CCDC102B: variants seen among roughly 807,000 people sequenced by gnomAD.
CCDC102B encodes the protein coiled-coil domain-containing protein 102B.
A neutral mutation model predicts 57.4 loss-of-function variants in CCDC102B; 75 were observed. That is an observed-to-expected ratio of 1.31 (90% CI 1.08 to 1.58). The LOEUF is 1.58. Among genes scored for constraint, CCDC102B ranks in the 40% most tolerant of loss-of-function variants. CCDC102B has a pLI of 0.00. For synonymous variants in CCDC102B, 206 were observed against 201.9 expected (o/e 1.02, Z -0.17); for missense variants, 636 against 582.6 (o/e 1.09, Z -0.94).
At chr18:68,967,146 C>G (rs138259247) in intron 6 of CCDC102B, among the ~76,000 whole-genome samples, 1 of 144,878 alleles carries the variant, frequency 6.9e-6, no homozygotes, top group African/African-American at 2.6e-5. Context: ...GAAAGCTAGT[C>G]GTGCCTCTTT....
chr18:69,030,598 T>C (rs768463968), intron 7 of CCDC102B, among the ~76,000 whole-genome samples: 34 of 152,202 alleles, frequency 2.2e-4, no homozygotes, highest in Non-Finnish European at 4.6e-4. Flanking sequence ...TCAATAATTA[T>C]GTTTATAGGT....
chr18:69,030,815 C>T (rs1191233405), intron 7 of CCDC102B, among the ~76,000 whole-genome samples: 4 of 152,126 alleles, frequency 2.6e-5, no homozygotes, highest in South Asian at 2.1e-4. Context: ...CCACCACGCC[C>T]GGATCATTTT....
chr18:68,967,499 A>C (rs12457057), intron 6 of CCDC102B, among the ~76,000 whole-genome samples: 20,592 of 152,176 alleles, frequency 0.14, 1,469 homozygotes, highest in African/African-American at 0.17. Context: ...TGAACGAAGA[A>C]ACAAGTTGAA....
chr18:68,952,439 G>A (rs573890723), intron 6 of CCDC102B, among the ~76,000 whole-genome samples: 5 of 151,976 alleles, frequency 3.3e-5, no homozygotes, highest in Admixed American at 3.3e-4. Context: ...ATAAGAAATT[G>A]GCAAGAATGA....
At chr18:69,016,807 C>T (rs943494347) in intron 7 of CCDC102B, among the ~76,000 whole-genome samples, 1 of 152,012 alleles carries the variant, frequency 6.6e-6, no homozygotes, top group Non-Finnish European at 1.5e-5. Flanking sequence ...TATGTACATA[C>T]CTTATTTTCT....
intron 7 of CCDC102B, among the ~76,000 whole-genome samples, chr18:69,033,887 T>A (rs2052214710): frequency 6.6e-6 from 1 of 152,076 alleles, no homozygotes; most frequent in Non-Finnish European, 1.5e-5. Flanking sequence ...ACTCTGGCCA[T>A]CCTCCTTTGG....
chr18:68,868,672 C>T lies in CCDC102B; in HGVS notation c.937-5997C>T, dbSNP rs73967733. 8.7e-4 allele frequency among the ~76,000 whole-genome samples: 132 copies of T among 152,184 alleles called. 3 individuals carry two copies. The highest frequency in any genetic ancestry group is 2.8e-3 in the African/African-American group (118 of 41,498). On this transcript the variant is annotated intron_variant, in intron 4 of 7. Coordinates refer to ENST00000360242, the MANE Select transcript of CCDC102B (RefSeq NM_024781.3). ...AACTGTAAAATACTTGCTCATATAC[C>T]CTTATGCTAATTGATATTCAATACT...
intron 5 of CCDC102B, among the ~76,000 whole-genome samples, chr18:68,881,611 G>A (rs1302836384): frequency 6.6e-6 from 1 of 152,016 alleles, no homozygotes; most frequent in East Asian, 1.9e-4. Context: ...GAACAAAAAG[G>A]CTGAGAACGA....
chr18:69,012,768 A>G (rs779931449), intron 7 of CCDC102B, among the ~76,000 whole-genome samples: 48 of 152,214 alleles, frequency 3.2e-4, no homozygotes, highest in Non-Finnish European at 6.2e-4. Flanking sequence ...GATGGAATCT[A>G]TATGGGTAGA....
Position 68,897,274 on chromosome 18 carries a change from A to T in CCDC102B, c.1109A>T (p.Glu370Val). The T allele has an allele frequency of 6.2e-7, 1 of 1,613,194 alleles. No individual in the cohort carries two copies. Among genetic ancestry groups the T allele is most frequent in the Non-Finnish European group, 8.5e-7 (1 of 1,179,324 alleles). Residue 370 changes from glutamate (E) to valine (V), a missense_variant, in exon 6 of 8, where the codon GAA becomes GTA. Coordinates refer to ENST00000360242, the MANE Select transcript of CCDC102B (RefSeq NM_024781.3). ...GAGTGGGACAAGAGGGAAATACTTG[A>T]AAGAGAAAAGCAGGGACTGGAGAGA... ...TSEWDKREIL[E>V]REKQGLEREN... is the part of the protein sequence containing the mutation.
exon 1 of CCDC102B, chr18:68,715,347 T>C: frequency 3.7e-6 from 3 of 817,420 alleles, no homozygotes; most frequent in Non-Finnish European, 4.7e-6. Context: ...CGGTGAAAGT[T>C]ATGCTGAGGG....
chr18:68,849,931 A>AGCT (rs1377440270), intron 4 of CCDC102B, among the ~76,000 whole-genome samples: 3 of 152,118 alleles, frequency 2.0e-5, no homozygotes, highest in Non-Finnish European at 2.9e-5. Flanking sequence ...GCTGGACACT[A>AGCT]GGCCATCTGA....
intron 4 of CCDC102B, among the ~76,000 whole-genome samples, chr18:68,847,037 CAT>C (rs1194885919): frequency 2.6e-5 from 4 of 151,614 alleles, no homozygotes; most frequent in African/African-American, 9.7e-5. Flanking sequence ...TAATATTTTA[CAT>C]GTTATGTGTA....
rs567748248 is a variant in CCDC102B, at chr18:68,916,519, T to A, written c.1263+19091T>A. On this transcript the variant is annotated intron_variant, in intron 6 of 7. Transcript: ENST00000360242. ...CCAGCATCTAAATCTAATCTGCAGC[T>A]CTAGCTTCCAGGAAGTCAGGGAAAT... Among the ~76,000 whole-genome samples the A allele has an allele frequency of 3.9e-5, 6 of 152,280 alleles. No individual in the cohort carries two copies. In the South Asian group the frequency reaches 1.2e-3, roughly 32 times the overall value.
At chr18:69,003,933 A>G (rs1345737402) in intron 6 of CCDC102B, among the ~76,000 whole-genome samples, 1 of 152,230 alleles carries the variant, frequency 6.6e-6, no homozygotes, top group Non-Finnish European at 1.5e-5. Flanking sequence ...AATAAATACA[A>G]AGACATACTC....
At chr18:68,778,086 A>G (rs1287827501) in intron 2 of CCDC102B, among the ~76,000 whole-genome samples, 3 of 152,114 alleles carry the variant, frequency 2.0e-5, no homozygotes, top group African/African-American at 7.2e-5. Context: ...AGCACCTACA[A>G]TCTAACAGCA....
intron 7 of CCDC102B, among the ~76,000 whole-genome samples, chr18:69,040,964 A>C (rs1185098032): frequency 6.6e-6 from 1 of 152,054 alleles, no homozygotes; most frequent in Non-Finnish European, 1.5e-5. Context: ...GAAAGAGGAA[A>C]AGCAAATGCC....
intron 6 of CCDC102B, among the ~76,000 whole-genome samples, chr18:68,977,370 C>A (rs528704542): frequency 6.6e-4 from 101 of 151,994 alleles, no homozygotes; most frequent in African/African-American, 2.4e-3. Flanking sequence ...CACCCATCAA[C>A]CCACCATTTA....
intron 5 of CCDC102B, among the ~76,000 whole-genome samples, chr18:68,896,172 C>A (rs1049240920): frequency 6.6e-6 from 1 of 151,956 alleles, no homozygotes; most frequent in Non-Finnish European, 1.5e-5. Flanking sequence ...CTACTATTCA[C>A]TTCTACTTAC....
Sources: allele counts gnomAD v4.1 joint callset (sites outside exome capture counted in the v4.1 genomes callset), GRCh38; gene constraint gnomAD v4.1.1; transcripts MANE v1.5; gene names NCBI Gene and HGNC (gene_info 2026-07-23, HGNC 2026-07-21).